Variants in CECR2 observed in about 807,000 individuals in gnomAD.
CECR2 encodes chromatin remodeling regulator CECR2.
Under a neutral mutation model 154.5 loss-of-function variants are expected in CECR2, and 30 were observed. The ratio of observed to expected loss-of-function variants is 0.19; its 90% confidence interval spans 0.15 to 0.26. The LOEUF (loss-of-function observed/expected upper bound fraction) is 0.26, where lower values mean the gene tolerates loss of function less well. Ranked by LOEUF, CECR2 falls within the 10% of genes least tolerant of loss-of-function variation. The pLI is 1.00. For missense variants in CECR2, 1,743 were observed against 1,829.3 expected (o/e 0.95, Z 0.86); for synonymous variants, 725 against 683.7 (o/e 1.06, Z -0.94).
At chr22:17,486,887 C>T (rs1041769687) in intron 2 of CECR2, among the ~76,000 whole-genome samples, 2 of 152,114 alleles carry the variant, frequency 1.3e-5, no homozygotes, top group Admixed American at 6.5e-5. Flanking sequence ...CAACACAAAT[C>T]GCTGGGCCTC....
chr22:17,482,383 C>T (rs1406005121), intron 2 of CECR2, among the ~76,000 whole-genome samples: 2 of 152,046 alleles, frequency 1.3e-5, no homozygotes, highest in Non-Finnish European at 2.9e-5. Context: ...AAGATCATGC[C>T]ACCGTACTCC....
rs554169416 is a variant in CECR2, at chr22:17,361,691, C to T, written c.-364+1668C>T. Among the ~76,000 whole-genome samples the T allele has an allele frequency of 6.6e-5, 10 of 150,654 alleles. No individual in the cohort carries two copies. In the South Asian group the frequency reaches 8.4e-4, roughly 13 times the overall value. On this transcript the variant is annotated intron_variant, in intron 1 of 18. Coordinates refer to the CECR2 transcript ENST00000400585. ...GGGCTGGGGGGAGGTTGCAGTGAGCCGAGATTGAGCCACTTCACTCCAGCC... is the reference window on the plus strand; with the variant it reads ...GGGCTGGGGGGAGGTTGCAGTGAGCTGAGATTGAGCCACTTCACTCCAGCC...
intron 1 of CECR2, among the ~76,000 whole-genome samples, chr22:17,415,236 T>C (rs1266601849): frequency 2.0e-5 from 3 of 152,106 alleles, no homozygotes; most frequent in Non-Finnish European, 4.4e-5. Flanking sequence ...TCTCCTTCTT[T>C]GTTCTTCTTT....
intron 8 of CECR2, chr22:17,518,976 G>C (rs1569137378): frequency 7.8e-5 from 17 of 219,126 alleles, no homozygotes; most frequent in Non-Finnish European, 1.1e-4. Context: ...CTTTGTCATA[G>C]AATTCCCTAT....
At chr22:17,537,008 T>G (rs2056447187) in intron 9 of CECR2, 95 bp from the exon 10 acceptor site, 3 of 1,454,930 alleles carry the variant, frequency 2.1e-6, no homozygotes, top group African/African-American at 1.4e-5. Flanking sequence ...CCTGCTTTGG[T>G]GGCCTGGTTC....
chr22:17,384,851 A>G lies in CECR2; in HGVS notation c.126+14942A>G, dbSNP rs141511220. Among the ~76,000 whole-genome samples the G allele has an allele frequency of 2.4e-3, 371 of 152,316 alleles. 1 individual carries two copies. Among genetic ancestry groups the G allele is most frequent in the African/African-American group, 8.5e-3 (353 of 41,578 alleles). ...AAGTCCTAGGTGGCATTTTCTTTCA[A>G]TAAAAGGCTGTTTCACCTACAGTGA... On this transcript the variant is annotated intron_variant, in intron 1 of 18. Coordinates refer to ENST00000262608, the MANE Select transcript of CECR2 (RefSeq NM_001290047.2).
intron 1 of CECR2, among the ~76,000 whole-genome samples, chr22:17,471,065 A>C (rs1244697815): frequency 1.3e-5 from 2 of 152,220 alleles, no homozygotes; most frequent in Non-Finnish European, 1.5e-5. Context: ...TGTAAGAGTC[A>C]TGCAAGTATT....
Position 17,537,202 on chromosome 22 carries a change from C to T in CECR2, c.1208C>T (p.Pro403Leu), listed in dbSNP as rs1234614971. The part of the protein sequence containing the change: ...PELSHLDPNS[P>L]MREEKKTKDL... Reference sequence around the variant, plus strand: ...CTTTCCCATCTGGACCCCAATTCCCCCATGAGAGAGGAAAAAAAGACTAAA... The same window carrying T: ...CTTTCCCATCTGGACCCCAATTCCCTCATGAGAGAGGAAAAAAAGACTAAA... The change falls in exon 10 of 19, where the codon CCC becomes CTC. Residue 403 changes from proline (P) to leucine (L), a missense_variant. Pro to Leu is a moderately conservative substitution (Grantham distance 98). This residue lies in a region of CECR2 where 292 missense variants were observed against 301.2 expected (regional missense o/e 0.97). Transcript: ENST00000262608. 3.1e-6 allele frequency: 5 copies of T among 1,613,844 alleles called. 1 individual carries two copies. The highest frequency in any genetic ancestry group is 4.2e-6 in the Non-Finnish European group (5 of 1,179,872).
At position 17,410,292 on chromosome 22, in the gene CECR2, T is replaced by G. The variant is rs568010889; in HGVS notation, c.126+40383T>G. Reference sequence around the variant, plus strand: ...CCGCGCCCGGCCCTGTCAACTATTTTTTTTGTTGTCACTGCCCCACTCTAC... The same window carrying G: ...CCGCGCCCGGCCCTGTCAACTATTTGTTTTGTTGTCACTGCCCCACTCTAC... On this transcript the variant is annotated intron_variant, in intron 1 of 18. Coordinates refer to ENST00000262608, the MANE Select transcript of CECR2 (RefSeq NM_001290047.2). Among the ~76,000 whole-genome samples, 3 of 152,238 alleles carry G rather than the reference T, an allele frequency of 2.0e-5. No individual in the cohort carries two copies. In the East Asian group the frequency reaches 5.8e-4, roughly 29 times the overall value.
intron 12 of CECR2, 67 bp from the exon 13 acceptor site, chr22:17,538,926 T>A (rs1006610096): frequency 6.5e-7 from 1 of 1,545,808 alleles, no homozygotes; most frequent in Admixed American, 1.8e-5. Flanking sequence ...TCTCTCTGTC[T>A]CTCTCTCTCT....
Position 17,548,938 on chromosome 22 carries a change from T to A in CECR2, c.3651T>A (p.His1217Gln). 1.2e-6 allele frequency: 2 copies of A among 1,613,740 alleles called. No homozygotes were observed. The highest frequency in any genetic ancestry group is 1.1e-5 in the South Asian group (1 of 91,064). Residue 1217 changes from histidine (H) to glutamine (Q), a missense_variant, in exon 17 of 19, where the codon CAT becomes CAA. By Grantham distance (24) the His-to-Gln change is conservative. This residue lies in a region of CECR2 where 1,250 missense variants were observed against 1,192.1 expected (regional missense o/e 1.05). Coordinates refer to ENST00000262608, the MANE Select transcript of CECR2 (RefSeq NM_001290047.2). Reference protein sequence around the residue: ...QSFSDWQRPLHPQGSPSGPPA... With the variant: ...QSFSDWQRPLQPQGSPSGPPA... The stretch of plus-strand genomic sequence containing the variant: ...TTTCTGACTGGCAGAGACCTCTCCA[T>A]CCCCAGGGAAGCCCAAGCGGACCCC...
chr22:17,405,639 CAAAAAAAAAA>C (rs58874516), intron 1 of CECR2, among the ~76,000 whole-genome samples: 1,520 of 72,322 alleles, frequency 0.021, 45 homozygotes, highest in African/African-American at 0.066. Context: ...GACTCCATCT[CAAAAAAAAAA>C]AAAAAAAAAA....
intron 2 of CECR2, among the ~76,000 whole-genome samples, chr22:17,480,805 C>T (rs913283436): frequency 3.3e-5 from 5 of 150,776 alleles, no homozygotes; most frequent in African/African-American, 9.8e-5. Flanking sequence ...TTTGGGAGGC[C>T]GAGACGGGCA....
chr22:17,444,011 T>A (rs544049631), intron 1 of CECR2, among the ~76,000 whole-genome samples: 1 of 152,242 alleles, frequency 6.6e-6, no homozygotes, highest in South Asian at 2.1e-4. Flanking sequence ...TTAATTAAAC[T>A]CTCTAGGCTT....
chr22:17,378,035 G>C (rs1294045697), intron 1 of CECR2, among the ~76,000 whole-genome samples: 2 of 151,952 alleles, frequency 1.3e-5, no homozygotes, highest in Middle Eastern at 3.4e-3. Flanking sequence ...CCAGGCTGGA[G>C]TGCAGTGGCG....
chr22:17,482,188 G>C (rs2055337132), intron 2 of CECR2, among the ~76,000 whole-genome samples: 1 of 150,570 alleles, frequency 6.6e-6, no homozygotes, highest in South Asian at 2.1e-4. Flanking sequence ...ACTTTGGGAG[G>C]CTGAGGCAGG....
intron 1 of CECR2, among the ~76,000 whole-genome samples, chr22:17,440,443 TAAA>T (rs1323759065): frequency 9.2e-5 from 14 of 152,168 alleles, no homozygotes; most frequent in Non-Finnish European, 1.5e-5. Flanking sequence ...TGTTATGGCA[TAAA>T]AACTTTATGG....
At chr22:17,434,094 CG>C (rs1348502861) in intron 1 of CECR2, among the ~76,000 whole-genome samples, 1 of 137,768 alleles carries the variant, frequency 7.3e-6, no homozygotes, top group African/African-American at 3.2e-5. Context: ...AGTGAAATAA[CG>C]TATTTCACTT....
intron 1 of CECR2, among the ~76,000 whole-genome samples, chr22:17,390,650 G>GT (rs149291133): frequency 0.014 from 2,126 of 152,004 alleles, 34 homozygotes; most frequent in Admixed American, 0.031. Context: ...GTTTTGTTTT[G>GT]TTTTTTGAGA....
Sources: gnomAD v4.1 joint callset for allele counts (sites outside exome capture counted in the v4.1 genomes callset) on GRCh38, gnomAD v4.1.1 for gene constraint, gnomAD v4.1.1 regional missense constraint, MANE v1.5 for transcripts, NCBI Gene and HGNC (gene_info 2026-07-23, HGNC 2026-07-21) for gene names.